The following WDPCP variants were observed in gnomAD, a reference collection of about 807,000 sequenced individuals.
WDPCP encodes WD repeat-containing and planar cell polarity effector protein fritz homolog.
In WDPCP, 71 loss-of-function variants were observed where a neutral mutation model predicts 93.1. The ratio of observed to expected loss-of-function variants is 0.76; its 90% CI spans 0.63 to 0.93. The LOEUF is 0.93. Ranked by LOEUF, WDPCP falls within the 40% of genes least tolerant of loss-of-function variation. The pLI, the probability that WDPCP is intolerant of heterozygous loss-of-function variation, is 0.00. For missense variants in WDPCP, 844 were observed against 887.4 expected (o/e 0.95, Z 0.62); for synonymous variants, 315 against 315.0 (o/e 1.00, Z 0.00).
rs1461072391 is a variant in WDPCP, at chr2:63,717,371, A to T, written n.309-66533T>A. ...ACCAAGGACTGGTACATGAAATGTC[A>T]GTTCTTGATCCTGATGATAGTGTCT... On this transcript the variant is annotated intron_variant and non_coding_transcript_variant, in intron 2 of 4. Coordinates refer to the WDPCP transcript ENST00000467687. 12 of 465,658 alleles carry T rather than the reference A, an allele frequency of 2.6e-5. No homozygotes were observed. In the East Asian group the frequency reaches 5.9e-4, roughly 23 times the overall value. The allele number at this position is 465,658 out of a possible 1,614,324, so 28.8% of individuals were successfully genotyped here. A position where few individuals can be genotyped will look rare whatever the true frequency, so the allele number is the denominator to read the frequency against.
chr2:63,707,741 TC>T (rs1424808532), intron 2 of WDPCP, among the ~76,000 whole-genome samples: 4 of 152,200 alleles, frequency 2.6e-5, no homozygotes, highest in Non-Finnish European at 5.9e-5. Flanking sequence ...CTCTGTTTTT[TC>T]CCCATCTTTG....
chr2:63,662,685 A>G (rs76550051), intron 2 of WDPCP, among the ~76,000 whole-genome samples: 5,819 of 151,628 alleles, frequency 0.038, 171 homozygotes, highest in African/African-American at 0.072. Context: ...TTGCTCTGGA[A>G]TTTAAGCAAA....
At chr2:63,408,403 G>T (rs1357799376) in intron 9 of WDPCP, among the ~76,000 whole-genome samples, 1 of 152,098 alleles carries the variant, frequency 6.6e-6, no homozygotes, top group Non-Finnish European at 1.5e-5. Context: ...AAATACAGGG[G>T]TAGTGCAAGT....
At chr2:63,583,303 A>G (rs1708613908) in intron 1 of WDPCP, among the ~76,000 whole-genome samples, 1 of 152,262 alleles carries the variant, frequency 6.6e-6, no homozygotes, top group South Asian at 2.1e-4. Flanking sequence ...AATTCATCAA[A>G]AAGAAGGAAG....
chr2:63,229,117 T>C (rs1441733488), intron 14 of WDPCP: 2 of 152,226 alleles, frequency 1.3e-5, no homozygotes, highest in African/African-American at 4.8e-5. Context: ...TTTTTAATGA[T>C]CACCATTCTA....
At chr2:63,568,109 T>C (rs1048404030) in intron 1 of WDPCP, among the ~76,000 whole-genome samples, 1 of 152,214 alleles carries the variant, frequency 6.6e-6, no homozygotes, top group African/African-American at 2.4e-5. Context: ...ATTAATTCAA[T>C]GATCCTTATG....
intron 2 of WDPCP, among the ~76,000 whole-genome samples, chr2:63,704,143 T>G (rs1316159592): frequency 6.6e-6 from 1 of 152,204 alleles, no homozygotes; most frequent in Non-Finnish European, 1.5e-5. Flanking sequence ...TTTTTGCACA[T>G]TGATTTTGTA....
intron 3 of WDPCP, among the ~76,000 whole-genome samples, chr2:63,632,127 A>T (rs1709870971): frequency 6.6e-6 from 1 of 152,186 alleles, no homozygotes; most frequent in Non-Finnish European, 1.5e-5. Flanking sequence ...TAGAGCTGAA[A>T]CCATCACCCC....
At chr2:63,324,710 A>G (rs1687395648) in intron 12 of WDPCP, among the ~76,000 whole-genome samples, 1 of 152,212 alleles carries the variant, frequency 6.6e-6, no homozygotes, top group Non-Finnish European at 1.5e-5. Context: ...ATGACAGCCA[A>G]AGAAAGGGAA....
At chr2:63,629,030 AT>A (rs1709839227) in intron 3 of WDPCP, among the ~76,000 whole-genome samples, 1 of 152,206 alleles carries the variant, frequency 6.6e-6, no homozygotes. Context: ...TCTTTCATCT[AT>A]TATTTCCTCT....
intron 1 of WDPCP, among the ~76,000 whole-genome samples, chr2:63,531,089 G>A (rs765037640): frequency 6.6e-6 from 1 of 152,234 alleles, no homozygotes; most frequent in East Asian, 1.9e-4. Flanking sequence ...CTTGCTCACT[G>A]CTAGCACAGC....
chr2:63,700,509 T>C (rs552310828), intron 2 of WDPCP, among the ~76,000 whole-genome samples: 5 of 152,246 alleles, frequency 3.3e-5, no homozygotes, highest in African/African-American at 7.2e-5. Flanking sequence ...AAATGTGGTA[T>C]GCCTGTCATT....
At chr2:63,263,610 G>A (rs1002129850) in intron 13 of WDPCP, among the ~76,000 whole-genome samples, 1 of 152,218 alleles carries the variant, frequency 6.6e-6, no homozygotes, top group Non-Finnish European at 1.5e-5. Flanking sequence ...TCTGTGGTAT[G>A]CTGTTGTAGC....
chr2:63,631,106 C>T (rs1418443639), intron 3 of WDPCP, among the ~76,000 whole-genome samples: 3 of 152,008 alleles, frequency 2.0e-5, no homozygotes, highest in African/African-American at 7.3e-5. Context: ...ATGGTCAAAC[C>T]CCATCTCTAC....
chr2:63,156,440 T>C (rs1011166418), intron 15 of WDPCP, among the ~76,000 whole-genome samples: 1 of 152,162 alleles, frequency 6.6e-6, no homozygotes, highest in Non-Finnish European at 1.5e-5. Context: ...TACTAGTATA[T>C]AGAAATACAA....
At position 63,230,659 on chromosome 2, in the gene WDPCP, G is replaced by T. The variant is rs540299886; in HGVS notation, c.1915+28648C>A. On this transcript the variant is annotated intron_variant, in intron 14 of 17. Coordinates refer to ENST00000272321, the MANE Select transcript of WDPCP (RefSeq NM_015910.7). Reference sequence around the variant, plus strand: ...TGGTGTGAGATGGTATCTCATTGTGGTTTTGATTTGCATTTCTCTGATGGC... The same window carrying T: ...TGGTGTGAGATGGTATCTCATTGTGTTTTTGATTTGCATTTCTCTGATGGC... Among the ~76,000 whole-genome samples, 9 of 152,216 alleles carry T rather than the reference G, an allele frequency of 5.9e-5. No individual in the cohort carries two copies. The East Asian group carries it at 1.4e-3, about 23-fold the overall frequency.
chr2:63,837,826 C>A, the WDPCP span, among the ~76,000 whole-genome samples: 1 of 152,172 alleles, frequency 6.6e-6, no homozygotes, highest in Admixed American at 6.5e-5. Flanking sequence ...AGAGTAGGGG[C>A]GGGCCTGTGG....
At chr2:63,560,095 T>C (rs756299690) in intron 1 of WDPCP, among the ~76,000 whole-genome samples, 7 of 152,040 alleles carry the variant, frequency 4.6e-5, no homozygotes, top group Non-Finnish European at 7.4e-5. Context: ...TGGTGTCGCA[T>C]GCCTGTAATC....
At chr2:63,468,140 C>T (rs779222216) in intron 6 of WDPCP, among the ~76,000 whole-genome samples, 5 of 152,190 alleles carry the variant, frequency 3.3e-5, no homozygotes, top group Admixed American at 1.3e-4. Flanking sequence ...CAGCACCATG[C>T]TTCAGCCTGC....
Sources: gnomAD v4.1 joint callset for allele counts (sites outside exome capture counted in the v4.1 genomes callset) on GRCh38, gnomAD v4.1.1 for gene constraint, MANE v1.5 for transcripts, NCBI Gene and HGNC (gene_info 2026-07-23, HGNC 2026-07-21) for gene names.